MYOM2: variants seen among roughly 807,000 people sequenced by gnomAD.
MYOM2 encodes myomesin-2.
Under a neutral mutation model 187.6 loss-of-function variants are expected in MYOM2, and 254 were observed. That is an observed-to-expected ratio of 1.35 (90% CI 1.22 to 1.50). The LOEUF is 1.50. Among genes scored for constraint, MYOM2 ranks in the 40% most tolerant of loss-of-function variants. The pLI is 0.00. For missense variants in MYOM2, 2,796 were observed against 1,924.0 expected, an observed-to-expected ratio of 1.45 and a Z score of -8.48; for synonymous variants, 981 against 753.8, an observed-to-expected ratio of 1.30 and a Z score of -4.94.
At chr8:2,094,367 G>A (rs939390570) in intron 17 of MYOM2, among the ~76,000 whole-genome samples, 6 of 152,270 alleles carry the variant, frequency 3.9e-5, no homozygotes, top group African/African-American at 1.4e-4. Context: ...TAAAATATAT[G>A]CTGTAGGCTG....
rs1308347139 is a variant in MYOM2, at chr8:2,094,156, ACATTTGTGATGC to A, written c.2125+72_2125+83del. ...TACACTGTCATTTCTGCATGAATAAACATTTGTGATGCCATTTGGAATGTCATTGAAGGGGAA... is the reference window on the plus strand; with the variant it reads ...TACACTGTCATTTCTGCATGAATAAACATTTGGAATGTCATTGAAGGGGAA... On this transcript the variant is annotated intron_variant, in intron 17 of 36. Transcript: ENST00000262113. 13 of 1,577,890 alleles carry A rather than the reference ACATTTGTGATGC, an allele frequency of 8.2e-6. No homozygotes were observed. In the East Asian group the frequency reaches 2.3e-4, roughly 28 times the overall value.
intron 6 of MYOM2, among the ~76,000 whole-genome samples, chr8:2,066,499 A>G (rs1016851928): frequency 2.0e-5 from 3 of 152,160 alleles, no homozygotes; most frequent in Non-Finnish European, 2.9e-5. Context: ...CAAAAGAAGA[A>G]TATATTTGGG....
intron 31 of MYOM2, among the ~76,000 whole-genome samples, chr8:2,125,855 G>A (rs1004290730): frequency 2.7e-5 from 4 of 150,890 alleles, no homozygotes. Flanking sequence ...TGATCCGCCC[G>A]CCCGCCCACC....
chr8:2,107,130 C>T (rs567286149), intron 23 of MYOM2, among the ~76,000 whole-genome samples: 1 of 152,306 alleles, frequency 6.6e-6, no homozygotes, highest in East Asian at 1.9e-4. Flanking sequence ...GATAGGTTCA[C>T]AGGTCTGAGT....
intron 28 of MYOM2, among the ~76,000 whole-genome samples, chr8:2,121,151 A>G (rs1797440277): frequency 6.6e-6 from 1 of 152,172 alleles, no homozygotes; most frequent in Non-Finnish European, 1.5e-5. Flanking sequence ...CAAATTATTT[A>G]CCCTGCACAG....
At chr8:2,109,214 G>C in intron 24 of MYOM2, 181 bp from the exon 25 acceptor site, 1 of 682,124 alleles carries the variant, frequency 1.5e-6, no homozygotes, top group Non-Finnish European at 2.3e-6. Flanking sequence ...TGAGGCTTTA[G>C]AGGCAACAAC....
chr8:2,088,969 G>A (rs1296890430), intron 14 of MYOM2, among the ~76,000 whole-genome samples: 6 of 152,022 alleles, frequency 3.9e-5, no homozygotes, highest in Admixed American at 3.3e-4. Flanking sequence ...GCTTGGGGTC[G>A]CAAGGGCCTG....
At chr8:2,077,082 C>A (rs938234372) in intron 11 of MYOM2, among the ~76,000 whole-genome samples, 5 of 152,062 alleles carry the variant, frequency 3.3e-5, no homozygotes, top group African/African-American at 1.2e-4. Context: ...GAGGCCAACG[C>A]GGGCGGATTA....
At chr8:2,106,836 G>A (rs1796910505) in intron 23 of MYOM2, among the ~76,000 whole-genome samples, 1 of 152,114 alleles carries the variant, frequency 6.6e-6, no homozygotes, top group Non-Finnish European at 1.5e-5. Flanking sequence ...CCTTCAATTT[G>A]TACTTTTAAA....
At chr8:2,114,526 T>C (rs924611169) in intron 25 of MYOM2, among the ~76,000 whole-genome samples, 1 of 152,160 alleles carries the variant, frequency 6.6e-6, no homozygotes, top group Admixed American at 6.5e-5. Context: ...CAGGCTGGAG[T>C]GCAGTGACTG....
intron 10 of MYOM2, among the ~76,000 whole-genome samples, chr8:2,075,120 G>C (rs1819373167): frequency 6.6e-6 from 1 of 152,192 alleles, no homozygotes; most frequent in African/African-American, 2.4e-5. Context: ...CATCTGAAAA[G>C]AAAGAGAAGA....
intron 25 of MYOM2, among the ~76,000 whole-genome samples, chr8:2,113,922 G>A (rs1433461276): frequency 1.3e-5 from 2 of 152,208 alleles, no homozygotes; most frequent in African/African-American, 4.8e-5. Context: ...GATGAGTAAG[G>A]CCATGCCTGC....
rs536142919 is a variant in MYOM2, at chr8:2,102,701, T to G, written c.2654T>G (p.Phe885Cys). 6 of 1,613,956 alleles carry G rather than the reference T, an allele frequency of 3.7e-6. No individual in the cohort carries two copies. In the South Asian group the frequency reaches 6.6e-5, roughly 18 times the overall value. ...SDLQQGKTYV[F>C]RVRAVNANGV... ...CTGCAGCAAGGTAAGACCTATGTCT[T>G]CAGGGTCCGGGCAGTCAATGCAAAT... is the stretch of plus-strand genomic sequence containing the variant. Residue 885 changes from phenylalanine (F) to cysteine (C), a missense_variant, in exon 21 of 37, where the codon TTC becomes TGC. Physicochemically the swap from Phe to Cys is radical, Grantham distance 205. Coordinates refer to ENST00000262113, the MANE Select transcript of MYOM2 (RefSeq NM_003970.4).
At chr8:2,063,349 C>A in intron 6 of MYOM2, among the ~76,000 whole-genome samples, 1 of 152,258 alleles carries the variant, frequency 6.6e-6, no homozygotes, top group African/African-American at 2.4e-5. Flanking sequence ...TATGAATATT[C>A]CTTGGCCACG....
At chr8:2,064,061 G>A (rs545458781) in intron 6 of MYOM2, among the ~76,000 whole-genome samples, 7 of 152,330 alleles carry the variant, frequency 4.6e-5, no homozygotes, top group South Asian at 4.1e-4. Flanking sequence ...CTGCCCATGG[G>A]CCAAAGCTGT....
At position 2,055,102 on chromosome 8, in the gene MYOM2, TGGGG is replaced by T. The variant is rs1431582453; in HGVS notation, c.264-2245_264-2242del. Among the ~76,000 whole-genome samples the T allele has an allele frequency of 1.2e-4, 3 of 24,744 alleles. No individual in the cohort carries two copies. In the South Asian group the frequency reaches 8.8e-3, roughly 73 times the overall value. The allele number at this position is 24,744 out of a possible 152,430, so 16.2% of individuals were successfully genotyped here. Reference sequence around the variant, plus strand: ...CTGGGGGAACGAAGTACCTGGATACTGGGGTAACCAAGTACCTGGATACTGGGGT... The same window carrying T: ...CTGGGGGAACGAAGTACCTGGATACTTAACCAAGTACCTGGATACTGGGGT... On this transcript the variant is annotated intron_variant, in intron 3 of 36. Coordinates refer to ENST00000262113, the MANE Select transcript of MYOM2 (RefSeq NM_003970.4).
intron 16 of MYOM2, among the ~76,000 whole-genome samples, 188 bp from the exon 17 acceptor site, chr8:2,093,782 G>T (rs555920182): frequency 6.6e-6 from 1 of 152,358 alleles, no homozygotes; most frequent in African/African-American, 2.4e-5. Context: ...GTCAGCTCCT[G>T]CTATAATTAG....
In MYOM2 at chr8:2,052,182, C is replaced by T. The variant is rs761099088; in HGVS notation, c.132C>T (p.Ser44=). The T allele has an allele frequency of 6.2e-7, 1 of 1,613,550 alleles. No individual in the cohort carries two copies. Among genetic ancestry groups the T allele is most frequent in the South Asian group, 1.1e-5 (1 of 90,894 alleles). The part of the protein sequence containing the change: ...SKKRASTQAS[S]QKSLSQRSSS... The stretch of plus-strand genomic sequence containing the variant: ...GGCGAGCTTCCACCCAGGCATCTTC[C>T]CAGAAGTCCTTGAGTCAGCGGTCGT... Residue 44 remains serine (S), a synonymous_variant, in exon 3 of 37, where the codon TCC becomes TCT. Transcript: ENST00000262113.
At chr8:2,113,017 G>C (rs1361504719) in intron 25 of MYOM2, among the ~76,000 whole-genome samples, 1 of 152,182 alleles carries the variant, frequency 6.6e-6, no homozygotes, top group East Asian at 1.9e-4. Flanking sequence ...TCATTATTCA[G>C]GCTGGAAAGC....
Sources: gnomAD v4.1 joint callset for allele counts (sites outside exome capture counted in the v4.1 genomes callset) on GRCh38, gnomAD v4.1.1 for gene constraint, MANE v1.5 for transcripts, NCBI Gene and HGNC (gene_info 2026-07-23, HGNC 2026-07-21) for gene names.